Variants in NLRP6 observed in about 807,000 individuals in gnomAD.
The protein encoded by NLRP6 is NACHT, LRR and PYD domains-containing protein 6.
In NLRP6, 55 loss-of-function variants were observed where a neutral mutation model predicts 70.9. That is an observed-to-expected ratio of 0.78 (90% CI 0.62 to 0.97). The LOEUF (loss-of-function observed/expected upper bound fraction) is 0.97, where lower values mean the gene tolerates loss of function less well. Among genes scored for constraint, NLRP6 ranks in the 50% least tolerant of loss-of-function variants. NLRP6 has a pLI of 0.00. For missense variants in NLRP6, 1,241 were observed against 1,238.3 expected (o/e 1.00, Z -0.03); for synonymous variants, 652 against 581.9 (o/e 1.12, Z -1.73).
chr11:282,225 C>T (rs1052686282), intron 4 of NLRP6, among the ~76,000 whole-genome samples: 5 of 152,214 alleles, frequency 3.3e-5, no homozygotes, highest in African/African-American at 1.2e-4. Context: ...GCAAGTCTGC[C>T]CTGGCTCCCC....
At chr11:283,900 C>A (rs1196421571) in intron 5 of NLRP6, among the ~76,000 whole-genome samples, 1 of 151,444 alleles carries the variant, frequency 6.6e-6, no homozygotes, top group African/African-American at 2.4e-5. Context: ...GGAGAAACAA[C>A]ACAACTACCC....
In NLRP6 at chr11:280,623, G is replaced by C. The variant is rs11824708; in HGVS notation, c.889G>C (p.Asp297His). 6.7e-7 allele frequency: 1 copy of C among 1,496,880 alleles called. No individual in the cohort carries two copies. The highest frequency in any genetic ancestry group is 1.5e-5 in the African/African-American group (1 of 68,694). 92.7% of individuals were successfully genotyped at this position (1,496,880 alleles called of 1,614,324 possible). A position where few individuals can be genotyped will look rare whatever the true frequency, so the allele number is the denominator to read the frequency against. ...LGGPEAAPCT[D>H]PFEAASGARV... Reference sequence around the variant, plus strand: ...GGGCCCCGAGGCCGCGCCCTGCACAGACCCCTTCGAGGCGGCGAGCGGCGC... The same window carrying C: ...GGGCCCCGAGGCCGCGCCCTGCACACACCCCTTCGAGGCGGCGAGCGGCGC... Residue 297 changes from aspartate (D) to histidine (H), a missense_variant, in exon 4 of 8, where the codon GAC becomes CAC. Coordinates refer to ENST00000534750, the MANE Select transcript of NLRP6 (RefSeq NM_001276700.2).
At position 281,042 on chromosome 11, in the gene NLRP6, C is replaced by G. The variant is rs1268882014; in HGVS notation, c.1308C>G (p.Pro436=). The change falls in exon 4 of 8, where the codon CCC becomes CCG. Residue 436 remains proline, a synonymous_variant. Transcript: ENST00000534750. ...GCTCGGCTCCGGTAGCCGACGGGCCCCGGTTGCAGGGCGACCTGCGCAATC... is the reference window on the plus strand; with the variant it reads ...GCTCGGCTCCGGTAGCCGACGGGCCGCGGTTGCAGGGCGACCTGCGCAATC... ...VLSSAPVADG[P]RLQGDLRNLC... 1 of 1,613,044 alleles carries G rather than the reference C, an allele frequency of 6.2e-7. No individual in the cohort carries two copies. The highest frequency in any genetic ancestry group is 1.1e-5 in the South Asian group (1 of 91,082).
In NLRP6 at chr11:282,817, G is replaced by A; in HGVS notation, c.2198+20G>A. 1 of 1,565,824 alleles carries A rather than the reference G, an allele frequency of 6.4e-7. No individual in the cohort carries two copies. The highest frequency in any genetic ancestry group is 8.8e-7 in the Non-Finnish European group (1 of 1,136,360). On this transcript the variant is annotated intron_variant, in intron 5 of 7. Transcript: ENST00000534750. ...CCTCACGTGAGTGGCCACACCCCCA[G>A]CTCTTCCCACGGAGCGGGCTGAGAG...
Position 280,681 on chromosome 11 carries a change from T to C in NLRP6, c.947T>C (p.Leu316Pro). ...RVLGGLLSKA[L>P]LPTALLLVTT... Reference sequence around the variant, plus strand: ...CTAGGCGGGCTGCTGAGCAAGGCGCTGCTGCCCACGGCCCTCCTGCTGGTG... The same window carrying C: ...CTAGGCGGGCTGCTGAGCAAGGCGCCGCTGCCCACGGCCCTCCTGCTGGTG... The change falls in exon 4 of 8, where the codon CTG (leucine) becomes CCG (proline). Residue 316 changes from leucine to proline, a missense_variant. Leu to Pro is a moderately conservative substitution (Grantham distance 98, BLOSUM62 -3). Transcript: ENST00000534750. 6.4e-7 allele frequency: 1 copy of C among 1,559,594 alleles called. No homozygotes were observed. The highest frequency in any genetic ancestry group is 8.6e-7 in the Non-Finnish European group (1 of 1,157,644).
In NLRP6 at chr11:285,329, G is replaced by A. The variant is rs747205041; in HGVS notation, c.*25G>A. The A allele has an allele frequency of 5.0e-6, 8 of 1,601,996 alleles. No individual in the cohort carries two copies. The highest frequency in any genetic ancestry group is 1.3e-5 in the African/African-American group (1 of 74,674). ...AGGCTCTGGTGGCCAGAGCAGGGTG[G>A]AAGACCCTAGTCAAAGTCCCTGTGG... On this transcript the variant is annotated 3_prime_UTR_variant, in exon 8 of 8. Transcript: ENST00000534750.
In NLRP6 at chr11:284,635, A is replaced by ACT. The variant is rs1845532479; in HGVS notation, c.2531_2532insTC (p.Leu845ProfsTer9). The ACT allele has an allele frequency of 6.2e-7, 1 of 1,604,338 alleles. No individual in the cohort carries two copies. The highest frequency in any genetic ancestry group is 1.7e-5 in the Admixed American group (1 of 59,778). On this transcript the variant is annotated frameshift_variant, in exon 7 of 8. Coordinates refer to ENST00000534750, the MANE Select transcript of NLRP6 (RefSeq NM_001276700.2). LOFTEE classifies it low-confidence loss of function (END_TRUNC). ...GCAGCACCAGGGATGCGGCCTGCAGACCCTCAGGTGGAGGCAGGGGTGGGA... is the reference window on the plus strand; with the variant it reads ...GCAGCACCAGGGATGCGGCCTGCAGACTCCCTCAGGTGGAGGCAGGGGTGGGA...
rs1391053827 is a variant in NLRP6 at position 281,306 on chromosome 11, C to A, written c.1572C>A (p.Gly524=). 1.3e-5 allele frequency: 21 copies of A among 1,608,294 alleles called. No individual in the cohort carries two copies. Among genetic ancestry groups the A allele is most frequent in the East Asian group, 2.2e-5 (1 of 44,802 alleles). ...EDGGVPRTAA[G]GVGTLLRGDA... ...GCGGGGTGCCCAGGACCGCGGCTGG[C>A]GGCGTTGGGACACTCCTGCGTGGGG... The change falls in exon 4 of 8, where the codon GGC becomes GGA. Residue 524 remains glycine (G), a synonymous_variant. Transcript: ENST00000534750.
chr11:280,061 G>A (rs1845444772), intron 3 of NLRP6, 23 bp from the exon 4 acceptor site: 1 of 1,459,928 alleles, frequency 6.8e-7, no homozygotes, highest in Non-Finnish European at 9.0e-7. Context: ...CCTTGTCCCC[G>A]CGCTGTCTCC....
chr11:284,466 C>T lies in NLRP6; in HGVS notation c.2370-9C>T, dbSNP rs1192891308. ...ACCCCAGCAGCTCCTGAGGTCGGCC[C>T]TCCCACAGGGTACAGCTGCCTGACC... On this transcript the variant is annotated splice_polypyrimidine_tract_variant and intron_variant, in intron 6 of 7. Transcript: ENST00000534750. 2.5e-6 allele frequency: 4 copies of T among 1,610,720 alleles called. No individual in the cohort carries two copies. Among genetic ancestry groups the T allele is most frequent in the East Asian group, 4.5e-5 (2 of 44,834 alleles).
At chr11:282,277 G>A (rs1002283346) in intron 4 of NLRP6, among the ~76,000 whole-genome samples, 4 of 152,098 alleles carry the variant, frequency 2.6e-5, no homozygotes, top group East Asian at 3.9e-4. Context: ...GTACCCTTTC[G>A]ACCACCCTGC....
chr11:279,666 C>T, intron 2 of NLRP6, 59 bp downstream of exon 2: 1 of 1,369,460 alleles, frequency 7.3e-7, no homozygotes, highest in Non-Finnish European at 9.4e-7. Flanking sequence ...CCCTCCTTCC[C>T]GCTTCCCGGA....
chr11:279,554 A>G lies in NLRP6; in HGVS notation c.257A>G (p.Lys86Arg). The G allele has an allele frequency of 6.9e-7, 1 of 1,441,596 alleles. No homozygotes were observed. Among genetic ancestry groups the G allele is most frequent in the Non-Finnish European group, 9.1e-7 (1 of 1,101,136 alleles). 89.3% of individuals were successfully genotyped at this position (1,441,596 alleles called of 1,614,324 possible). A position where few individuals can be genotyped will look rare whatever the true frequency, so the allele number is the denominator to read the frequency against. Residue 86 changes from lysine (K) to arginine (R), a missense_variant, in exon 2 of 8, where the codon AAG becomes AGG. Physicochemically the swap from Lys to Arg is conservative, Grantham distance 26 (BLOSUM62 2). Transcript: ENST00000534750. The part of the protein sequence containing the change: ...PALEVARKTL[K>R]RADARDVAAQ... ...CTGGAGGTGGCCCGCAAGACCCTCA[A>G]GAGGGCGGACGCGCGCGACGTGGCG... is the stretch of plus-strand genomic sequence containing the variant.
chr11:284,769 T>A, intron 7 of NLRP6, 127 bp downstream of exon 7: 1 of 896,384 alleles, frequency 1.1e-6, no homozygotes, highest in Non-Finnish European at 1.7e-6. Context: ...GTGACTGAGC[T>A]CAAACACTGA....
intron 4 of NLRP6, among the ~76,000 whole-genome samples, chr11:282,146 T>C (rs1050587408): frequency 8.5e-5 from 13 of 152,168 alleles, no homozygotes; most frequent in Non-Finnish European, 1.9e-4. Context: ...GAACACACGA[T>C]GCCCTCTGTC....
At position 285,272 on chromosome 11, in the gene NLRP6, C is replaced by T; in HGVS notation, c.2644C>T (p.Gln882Ter). The T allele has an allele frequency of 6.2e-7, 1 of 1,609,084 alleles. No individual in the cohort carries two copies. Among genetic ancestry groups the T allele is most frequent in the Non-Finnish European group, 8.5e-7 (1 of 1,177,494 alleles). Residue 882 changes from glutamine (Q) to a stop codon, truncating the protein, a stop_gained, in exon 8 of 8, where the codon CAA (glutamine) becomes TAA (stop). Coordinates refer to ENST00000534750, the MANE Select transcript of NLRP6 (RefSeq NM_001276700.2). LOFTEE classifies it high-confidence loss of function. ...ACACCCAGCGCTGGACGGCCACCCA[C>T]AACCTCCCAAGGAACTCATCTCGAC... ...ITHPALDGHPQPPKELISTF is the reference protein window; with the variant it reads ...ITHPALDGHP
At chr11:279,037 G>T (rs1334801165) in intron 1 of NLRP6, 11 of 365,014 alleles carry the variant, frequency 3.0e-5, no homozygotes, top group Admixed American at 2.8e-4. Flanking sequence ...AAAGGGAGGT[G>T]CAGGGGAGGA....
chr11:279,201 C>T (rs1845429571), intron 1 of NLRP6, 126 bp from the exon 2 acceptor site: 2 of 840,594 alleles, frequency 2.4e-6, no homozygotes, highest in Admixed American at 8.8e-5. Flanking sequence ...CCCATGGATC[C>T]AGACGATGCT....
intron 4 of NLRP6, 70 bp downstream of exon 4, chr11:281,909 A>G (rs1845486604): frequency 7.1e-7 from 1 of 1,406,800 alleles, no homozygotes; most frequent in East Asian, 2.3e-5. Flanking sequence ...TGTGCACCTC[A>G]GTGTCCATCT....
Sources: gnomAD v4.1 joint callset for allele counts (sites outside exome capture counted in the v4.1 genomes callset) on GRCh38, gnomAD v4.1.1 for gene constraint, MANE v1.5 for transcripts, NCBI Gene and HGNC (gene_info 2026-07-23, HGNC 2026-07-21) for gene names.